Variants in STPG2 observed in about 807,000 individuals in gnomAD.
The protein encoded by STPG2 is sperm-tail PG-rich repeat-containing protein 2.
STPG2 carries 56 observed loss-of-function variants against 54.2 expected under a neutral mutation model. The ratio of observed to expected loss-of-function variants is 1.03; its 90% CI spans 0.83 to 1.29. The LOEUF (loss-of-function observed/expected upper bound fraction) is 1.29, where lower values mean the gene tolerates loss of function less well. STPG2 is among the 50% of genes most tolerant of loss of function. The pLI, the probability that STPG2 is intolerant of heterozygous loss-of-function variation, is 0.00. For synonymous variants in STPG2, 200 were observed against 181.8 expected (o/e 1.10, Z -0.81); for missense variants, 596 against 544.9 (o/e 1.09, Z -0.93).
intron 9 of STPG2, among the ~76,000 whole-genome samples, chr4:97,713,756 T>TTGGCCTATA (rs1724203967): frequency 6.6e-6 from 1 of 152,146 alleles, no homozygotes; most frequent in South Asian, 2.1e-4. Flanking sequence ...CAGGTATAGG[T>TTGGCCTATA]CCTTGGCCCA....
intron 8 of STPG2, among the ~76,000 whole-genome samples, chr4:97,888,373 C>T (rs893705400): frequency 2.6e-5 from 4 of 152,188 alleles, no homozygotes; most frequent in South Asian, 2.1e-4. Context: ...GGTGGAGCTG[C>T]CCAAGACCTT....
intron 8 of STPG2, among the ~76,000 whole-genome samples, chr4:97,862,362 A>C (rs932788672): frequency 2.6e-5 from 4 of 152,144 alleles, no homozygotes. Flanking sequence ...CCATTACATA[A>C]TGGTAAACGG....
chr4:97,765,110 T>C (rs1726001514), intron 9 of STPG2, among the ~76,000 whole-genome samples: 1 of 152,176 alleles, frequency 6.6e-6, no homozygotes, highest in African/African-American at 2.4e-5. Context: ...TTTTTTGGAA[T>C]GGTCATGAGG....
At chr4:97,810,130 T>G (rs886074198) in intron 9 of STPG2, among the ~76,000 whole-genome samples, 2 of 152,146 alleles carry the variant, frequency 1.3e-5, no homozygotes, top group African/African-American at 4.8e-5. Flanking sequence ...AATGTTCTTT[T>G]TGCTGCCCAT....
intron 10 of STPG2, among the ~76,000 whole-genome samples, chr4:97,659,591 T>C (rs1361833909): frequency 6.6e-6 from 1 of 152,228 alleles, no homozygotes; most frequent in East Asian, 1.9e-4. Context: ...GAAGGAGTTA[T>C]TTCAGATAAA....
At chr4:97,557,998 C>T (rs375799297), downstream of STPG2, among the ~76,000 whole-genome samples, 17 of 152,280 alleles carry the variant, frequency 1.1e-4, no homozygotes, top group South Asian at 4.1e-4. Flanking sequence ...CTAAGCCAAA[C>T]GAGCCTTTCC....
chr4:97,619,524 G>GTCT (rs1553943347), intron 10 of STPG2, among the ~76,000 whole-genome samples: 1 of 142,414 alleles, frequency 7.0e-6, no homozygotes, highest in African/African-American at 2.6e-5. Flanking sequence ...TGATTCCAGT[G>GTCT]TTTTTTTTTT....
intron 8 of STPG2, among the ~76,000 whole-genome samples, chr4:97,871,988 A>G (rs1730005961): frequency 6.6e-6 from 1 of 151,222 alleles, no homozygotes; most frequent in South Asian, 2.1e-4. Context: ...CTTATTTAAG[A>G]TTATGAAATT....
At chr4:98,117,640 G>A (rs1340902996) in intron 3 of STPG2, among the ~76,000 whole-genome samples, 1 of 151,954 alleles carries the variant, frequency 6.6e-6, no homozygotes, top group Non-Finnish European at 1.5e-5. Flanking sequence ...TCATCAGACT[G>A]CATAATATCA....
At chr4:97,546,774 AG>A (rs1731842720) in intron 4 of STPG2, among the ~76,000 whole-genome samples, 1 of 152,228 alleles carries the variant, frequency 6.6e-6, no homozygotes, top group African/African-American at 2.4e-5. Flanking sequence ...TCACTAATTA[AG>A]TAATACATAC....
At chr4:98,121,806 C>T (rs899135915) in intron 3 of STPG2, among the ~76,000 whole-genome samples, 3 of 152,038 alleles carry the variant, frequency 2.0e-5, no homozygotes, top group African/African-American at 4.8e-5. Context: ...ACTGCAACTT[C>T]CACCTCCAGG....
chr4:97,448,021 G>A (rs911863585), intron 4 of STPG2, among the ~76,000 whole-genome samples: 2 of 152,208 alleles, frequency 1.3e-5, no homozygotes, highest in African/African-American at 4.8e-5. Context: ...CCCTGGATGT[G>A]AGACATGGAG....
chr4:98,109,384 A>C, intron 3 of STPG2, 79 bp from the exon 4 acceptor site: 1 of 1,069,072 alleles, frequency 9.4e-7, no homozygotes, highest in Middle Eastern at 3.3e-4. Context: ...GCTTTACCTA[A>C]GTCTAAATCT....
intron 8 of STPG2, among the ~76,000 whole-genome samples, chr4:97,909,598 A>T (rs1210514479): frequency 6.6e-6 from 1 of 152,222 alleles, no homozygotes; most frequent in Non-Finnish European, 1.5e-5. Flanking sequence ...TATTAAAAGG[A>T]TACATCAAAA....
chr4:97,950,752 A>G (rs548428498), intron 7 of STPG2, among the ~76,000 whole-genome samples: 1 of 152,324 alleles, frequency 6.6e-6, no homozygotes, highest in South Asian at 2.1e-4. Flanking sequence ...TAACTTTGGG[A>G]AAACTTAGTT....
intron 9 of STPG2, among the ~76,000 whole-genome samples, chr4:97,734,813 C>T (rs1386324691): frequency 2.6e-5 from 4 of 152,042 alleles, no homozygotes; most frequent in Non-Finnish European, 1.5e-5. Context: ...TGGCTCATGC[C>T]TGTAATCCTA....
rs202007864 is a variant in STPG2 at position 97,906,716 on chromosome 4, A to G, written c.1044+37181T>C. Among the ~76,000 whole-genome samples, 37 of 151,890 alleles carry G rather than the reference A, an allele frequency of 2.4e-4. 1 individual carries two copies. The East Asian group carries it at 4.6e-3, about 19-fold the overall frequency. ...GGGATGCAAGGCTGGTTCAATATAC[A>G]CAAATCAATAAATGTAATCCAGCAT... On this transcript the variant is annotated intron_variant, in intron 8 of 10. Transcript: ENST00000295268.
At chr4:97,990,534 A>C (rs906914540) in intron 5 of STPG2, among the ~76,000 whole-genome samples, 1 of 152,136 alleles carries the variant, frequency 6.6e-6, no homozygotes, top group Non-Finnish European at 1.5e-5. Flanking sequence ...CTCATCTTAG[A>C]CCTAATGAAT....
At chr4:97,944,156 A>G (rs575170150) in intron 7 of STPG2, 149 bp from the exon 8 acceptor site, 4 of 579,732 alleles carry the variant, frequency 6.9e-6, no homozygotes, top group African/African-American at 5.9e-5. Flanking sequence ...TTTTCAAAAT[A>G]TGACACAGAA....
Sources: allele counts gnomAD v4.1 joint callset (sites outside exome capture counted in the v4.1 genomes callset), GRCh38; gene constraint gnomAD v4.1.1; transcripts MANE v1.5; gene names NCBI Gene and HGNC (gene_info 2026-07-23, HGNC 2026-07-21).